The following RBM5 variants were observed in gnomAD, a reference collection of about 807,000 sequenced individuals.
RBM5 encodes RNA binding motif protein 5, also known as RNA-binding protein 5.
In RBM5, 15 loss-of-function variants were observed where a neutral mutation model predicts 124.6. The ratio of observed to expected loss-of-function variants is 0.12; its 90% CI spans 0.08 to 0.19. RBM5 has a LOEUF of 0.19. Ranked by LOEUF, RBM5 falls within the 10% of genes least tolerant of loss-of-function variation. The pLI, the probability that RBM5 is intolerant of heterozygous loss-of-function variation, is 1.00. For missense variants in RBM5, 580 were observed against 1,026.5 expected, an observed-to-expected ratio of 0.57 and a Z score of 5.94; for synonymous variants, 337 against 361.2, an observed-to-expected ratio of 0.93 and a Z score of 0.76.
intron 4 of RBM5, among the ~76,000 whole-genome samples, chr3:50,094,845 G>T (rs1302551412): frequency 1.3e-5 from 2 of 152,154 alleles, no homozygotes; most frequent in Non-Finnish European, 2.9e-5. Context: ...ATCTATCTCA[G>T]CTAGTGAAAT....
intron 11 of RBM5, chr3:50,107,218 AAC>A (rs2091049396): frequency 1.7e-6 from 1 of 604,300 alleles, no homozygotes; most frequent in Non-Finnish European, 3.0e-6. Context: ...GCTTAACTCT[AAC>A]ACGGTAAATT....
Position 50,113,944 on chromosome 3 carries a change from C to T in RBM5, c.1618-6C>T. The T allele has an allele frequency of 1.9e-6, 3 of 1,609,382 alleles. No homozygotes were observed. The highest frequency in any genetic ancestry group is 2.5e-6 in the Non-Finnish European group (3 of 1,178,228). The stretch of plus-strand genomic sequence containing the variant: ...TTTTTTGTTGGTGTTTGTTGTTTGA[C>T]ATTAGATTGCCAAAGACATGGAACG... On this transcript the variant is annotated splice_region_variant and splice_polypyrimidine_tract_variant and intron_variant, in intron 18 of 24. Coordinates refer to ENST00000347869, the MANE Select transcript of RBM5 (RefSeq NM_005778.4).
intron 15 of RBM5, among the ~76,000 whole-genome samples, chr3:50,110,160 A>C (rs1054641842): frequency 6.6e-6 from 1 of 152,242 alleles, no homozygotes; most frequent in Non-Finnish European, 1.5e-5. Flanking sequence ...GCAGTGAGCC[A>C]AGATTGCGCC....
At chr3:50,096,939 T>C (rs531387810) in intron 4 of RBM5, among the ~76,000 whole-genome samples, 18 of 151,976 alleles carry the variant, frequency 1.2e-4, no homozygotes, top group Non-Finnish European at 2.5e-4. Context: ...CGGAGGGGTA[T>C]CACATGAGCA....
chr3:50,117,748 T>C lies in RBM5; in HGVS notation c.2322+369T>C. On this transcript the variant is annotated intron_variant, in intron 24 of 24. Coordinates refer to ENST00000347869, the MANE Select transcript of RBM5 (RefSeq NM_005778.4). The surrounding 1 kb of genome is among the most constrained non-coding windows in gnomAD (Gnocchi z 4.2). Reference sequence around the variant, plus strand: ...GTGAGCCGAGATCACGCCACTGCACTCCAGCCTGGGCAACAGCGACTCTGT... The same window carrying C: ...GTGAGCCGAGATCACGCCACTGCACCCCAGCCTGGGCAACAGCGACTCTGT... The C allele has an allele frequency of 5.9e-6, 1 of 169,086 alleles. No homozygotes were observed. 10.5% of individuals were successfully genotyped at this position (169,086 alleles called of 1,614,324 possible).
intron 8 of RBM5, 47 bp from the exon 9 acceptor site, chr3:50,105,030 A>ACCAAAG: frequency 3.0e-6 from 4 of 1,319,516 alleles, no homozygotes; most frequent in Non-Finnish European, 4.3e-6. Context: ...TTCTTTGGTG[A>ACCAAAG]AAATACATTA....
Position 50,117,492 on chromosome 3 carries a change from A to AG in RBM5, c.2322+117dup, listed in dbSNP as rs1279355397. 3 of 1,448,732 alleles carry AG rather than the reference A, an allele frequency of 2.1e-6. No homozygotes were observed. The highest frequency in any genetic ancestry group is 2.8e-6 in the Non-Finnish European group (3 of 1,064,138). 89.7% of individuals were successfully genotyped at this position (1,448,732 alleles called of 1,614,324 possible). ...CAGGAGCAGCTTTACCTTAGCATGA[A>AG]GGGGCAGATTACAGGCATGAGCTCA... On this transcript the variant is annotated intron_variant, in intron 24 of 24. Coordinates refer to ENST00000347869, the MANE Select transcript of RBM5 (RefSeq NM_005778.4). The surrounding 1 kb of genome is among the most constrained non-coding windows in gnomAD (Gnocchi z 4.2).
At position 50,100,203 on chromosome 3, in the gene RBM5, G is replaced by C; in HGVS notation, c.409+152G>C. 1 of 736,554 alleles carries C rather than the reference G, an allele frequency of 1.4e-6. No individual in the cohort carries two copies. The highest frequency in any genetic ancestry group is 2.2e-6 in the Non-Finnish European group (1 of 464,662). 45.6% of individuals were successfully genotyped at this position (736,554 alleles called of 1,614,324 possible). On this transcript the variant is annotated intron_variant, in intron 5 of 24. Coordinates refer to ENST00000347869, the MANE Select transcript of RBM5 (RefSeq NM_005778.4). The surrounding 1 kb of genome is among the most constrained non-coding windows in gnomAD (Gnocchi z 5.1). ...AGGAATGTGACTCTTTGAAAACCATGTTAGCATCTGAGGAACTTTTTTAAA... is the reference window on the plus strand; with the variant it reads ...AGGAATGTGACTCTTTGAAAACCATCTTAGCATCTGAGGAACTTTTTTAAA...
rs1444153907 is a variant in RBM5 at position 50,109,860 on chromosome 3, AT to A, written c.1278+176del. 1.9e-5 allele frequency: 10 copies of A among 514,502 alleles called. No individual in the cohort carries two copies. The East Asian group carries it at 2.9e-4, about 15-fold the overall frequency. The allele number at this position is 514,502 out of a possible 1,614,324, so 31.9% of individuals were successfully genotyped here. A position where few individuals can be genotyped will look rare whatever the true frequency, so the allele number is the denominator to read the frequency against. On this transcript the variant is annotated intron_variant, in intron 15 of 24. Transcript: ENST00000347869. Reference sequence around the variant, plus strand: ...TTTTATGATATATATGTGCATGTATATTTTAAATATAAAATTTCAACTGTGT... The same window carrying A: ...TTTTATGATATATATGTGCATGTATATTTAAATATAAAATTTCAACTGTGT...
intron 12 of RBM5, 142 bp from the exon 13 acceptor site, chr3:50,107,928 C>T: frequency 1.4e-6 from 1 of 697,842 alleles, no homozygotes; most frequent in South Asian, 1.7e-5. Context: ...TCAGGTGATC[C>T]ACCCACGTCA....
intron 12 of RBM5, 105 bp from the exon 13 acceptor site, chr3:50,107,965 C>T (rs575067541): frequency 3.0e-5 from 29 of 971,710 alleles, no homozygotes; most frequent in South Asian, 2.3e-4. Flanking sequence ...GGATTACAGC[C>T]GTGAGCCACA....
At chr3:50,089,394 G>T (rs1269368791) in intron 1 of RBM5, among the ~76,000 whole-genome samples, 1 of 152,198 alleles carries the variant, frequency 6.6e-6, no homozygotes, top group Non-Finnish European at 1.5e-5. Flanking sequence ...CAACTGAATC[G>T]CCCTCTCCGA....
At chr3:50,096,678 CT>C (rs1291792916) in intron 4 of RBM5, among the ~76,000 whole-genome samples, 1 of 88 alleles carries the variant, frequency 0.011, no homozygotes, top group African/African-American at 0.045. Flanking sequence ...CAGCCTCCAA[CT>C]TTTGGGGCTC....
Position 50,114,141 on chromosome 3 carries a change from C to T in RBM5, c.1768-39C>T, listed in dbSNP as rs762611962. ...CCAGTATGTCATGATGGGAACTTAC[C>T]TAAAACTTGAGTCTCATGGCTTGTC... On this transcript the variant is annotated intron_variant, in intron 19 of 24. Transcript: ENST00000347869. 9.3e-6 allele frequency: 15 copies of T among 1,613,912 alleles called. No individual in the cohort carries two copies. In the South Asian group the frequency reaches 1.1e-4, roughly 12 times the overall value.
rs916519823 is a variant in RBM5 at position 50,113,270 on chromosome 3, G to A, written c.1456-113G>A. On this transcript the variant is annotated intron_variant, in intron 17 of 24. Coordinates refer to ENST00000347869, the MANE Select transcript of RBM5 (RefSeq NM_005778.4). ...CAAGGTGTGCCCAGGGTCTTTTCTG[G>A]GCAGGAAATATCACTAGTCCACAAC... 30 of 1,135,116 alleles carry A rather than the reference G, an allele frequency of 2.6e-5. No homozygotes were observed. In the East Asian group the frequency reaches 7.3e-4, roughly 28 times the overall value. 70.3% of individuals were successfully genotyped at this position (1,135,116 alleles called of 1,614,324 possible). A position where few individuals can be genotyped will look rare whatever the true frequency, so the allele number is the denominator to read the frequency against.
intron 17 of RBM5, 85 bp downstream of exon 17, chr3:50,110,855 C>A: frequency 9.0e-7 from 1 of 1,108,198 alleles, no homozygotes; most frequent in Non-Finnish European, 1.3e-6. Flanking sequence ...ATATTTCCTG[C>A]AAAAGAATAT....
intron 4 of RBM5, among the ~76,000 whole-genome samples, chr3:50,095,556 C>T (rs2090796546): frequency 6.6e-6 from 1 of 151,860 alleles, no homozygotes; most frequent in South Asian, 2.1e-4. Flanking sequence ...CCAGCCACAC[C>T]CTACTTTCCA....
chr3:50,099,819 G>C (rs2090902523), intron 4 of RBM5, 163 bp from the exon 5 acceptor site: 3 of 537,312 alleles, frequency 5.6e-6, no homozygotes, highest in Non-Finnish European at 9.7e-6. Context: ...CTGAGATCAT[G>C]CCACTGCACT....
Position 50,115,625 on chromosome 3 carries a change from C to T in RBM5, c.2019+18C>T, listed in dbSNP as rs1404326239. On this transcript the variant is annotated intron_variant, in intron 21 of 24. Coordinates refer to ENST00000347869, the MANE Select transcript of RBM5 (RefSeq NM_005778.4). ...TTCACAAGGTGGCCATGCTTCTGAG[C>T]TGATCTGAGGGGGCGAGGGGAGGCA... is the stretch of plus-strand genomic sequence containing the variant. 42 of 1,599,024 alleles carry T rather than the reference C, an allele frequency of 2.6e-5. No homozygotes were observed. Among genetic ancestry groups the T allele is most frequent in the Non-Finnish European group, 3.6e-5 (42 of 1,174,094 alleles).
Sources: allele counts gnomAD v4.1 joint callset (sites outside exome capture counted in the v4.1 genomes callset), GRCh38; gene constraint gnomAD v4.1.1; non-coding constraint Gnocchi (gnomAD v3.1); transcripts MANE v1.5; gene names NCBI Gene and HGNC (gene_info 2026-07-23, HGNC 2026-07-21).